CCDC28A: variants seen among roughly 807,000 people sequenced by gnomAD.
CCDC28A encodes coiled-coil domain-containing protein 28A.
CCDC28A carries 24 observed loss-of-function variants against 22.1 expected under a neutral mutation model. The observed-to-expected ratio is 1.09, with a 90% CI of 0.79 to 1.53. The LOEUF is 1.53. Among genes scored for constraint, CCDC28A ranks in the 40% most tolerant of loss-of-function variants. The pLI, the probability that CCDC28A is intolerant of heterozygous loss-of-function variation, is 0.00. For synonymous variants in CCDC28A, 83 were observed against 74.7 expected, an observed-to-expected ratio of 1.11 and a Z score of -0.57; for missense variants, 170 against 210.7, an observed-to-expected ratio of 0.81 and a Z score of 1.20.
Position 138,792,956 on chromosome 6 carries a change from AAT to A in CCDC28A, c.*154_*155del. On this transcript the variant is annotated 3_prime_UTR_variant, in exon 6 of 6. Transcript: ENST00000617445. ...TCGTTTTCACTTACTGCTTTTAGTA[AAT>A]GTGACTCGCTGTAATTCACCATAAC... 1.6e-6 allele frequency: 1 copy of A among 618,032 alleles called. No individual in the cohort carries two copies. Among genetic ancestry groups the A allele is most frequent in the Non-Finnish European group, 2.9e-6 (1 of 346,482 alleles). 38.3% of individuals were successfully genotyped at this position (618,032 alleles called of 1,614,324 possible).
At position 138,793,147 on chromosome 6, in the gene CCDC28A, C is replaced by T. The variant is rs548280891; in HGVS notation, c.*344C>T. 4.2e-6 allele frequency: 1 copy of T among 236,948 alleles called. No homozygotes were observed. The highest frequency in any genetic ancestry group is 8.3e-6 in the Non-Finnish European group (1 of 120,740). The allele number at this position is 236,948 out of a possible 1,614,324, so 14.7% of individuals were successfully genotyped here. A position where few individuals can be genotyped will look rare whatever the true frequency, so the allele number is the denominator to read the frequency against. On this transcript the variant is annotated 3_prime_UTR_variant, in exon 6 of 6. Transcript: ENST00000617445. ...CTTTCCTGAGCTCACCAAACTTATT[C>T]CAGTGTTGATCGCAAGCTGTTGATG...
intron 3 of CCDC28A, among the ~76,000 whole-genome samples, chr6:138,780,273 T>G (rs1774996172): frequency 6.6e-6 from 1 of 152,228 alleles, no homozygotes. Context: ...ACAGTCTTGG[T>G]CAGTTAAAAT....
At position 138,776,083 on chromosome 6, in the gene CCDC28A, TAAG is replaced by T. The variant is rs764697552; in HGVS notation, c.-34_-32del. On this transcript the variant is annotated 5_prime_UTR_variant, in exon 2 of 6. Coordinates refer to ENST00000617445, the MANE Select transcript of CCDC28A (RefSeq NM_015439.3). Reference sequence around the variant, plus strand: ...ATTGCTGTATTCCTTATTTAGGTCTTAAGAAGCTGGCCGTGGTGCAATAAGGAA... The same window carrying T: ...ATTGCTGTATTCCTTATTTAGGTCTTAAGCTGGCCGTGGTGCAATAAGGAA... 7 of 1,613,360 alleles carry T rather than the reference TAAG, an allele frequency of 4.3e-6. No homozygotes were observed. The highest frequency in any genetic ancestry group is 1.7e-5 in the Admixed American group (1 of 60,016).
At chr6:138,784,731 A>G (rs534103181) in intron 3 of CCDC28A, among the ~76,000 whole-genome samples, 10 of 148,630 alleles carry the variant, frequency 6.7e-5, no homozygotes, top group African/African-American at 2.5e-4. Context: ...GTCTCGCTCT[A>G]TTGCCAGGGT....
At chr6:138,785,854 G>A (rs1775087306) in intron 4 of CCDC28A, among the ~76,000 whole-genome samples, 1 of 152,148 alleles carries the variant, frequency 6.6e-6, no homozygotes, top group Admixed American at 6.5e-5. Context: ...TTAAGATATA[G>A]AAGATAGTGG....
intron 2 of CCDC28A, among the ~76,000 whole-genome samples, chr6:138,776,563 G>T (rs777568549): frequency 3.1e-4 from 47 of 152,092 alleles, no homozygotes; most frequent in Non-Finnish European, 6.6e-4. Flanking sequence ...TGGGAAAAGT[G>T]AAAAAGTGAA....
At chr6:138,777,283 G>A (rs2114900549) in intron 2 of CCDC28A, among the ~76,000 whole-genome samples, 2 of 152,296 alleles carry the variant, frequency 1.3e-5, no homozygotes, top group Middle Eastern at 6.8e-3. Context: ...AAACAGAAGG[G>A]ACATAACCAA....
chr6:138,781,224 G>A (rs1775016578), intron 3 of CCDC28A, among the ~76,000 whole-genome samples: 1 of 152,142 alleles, frequency 6.6e-6, no homozygotes, highest in African/African-American at 2.4e-5. Context: ...TCTCTCTAAT[G>A]CACCTAGGAT....
In CCDC28A at chr6:138,792,757, T is replaced by C. The variant is rs1775191128; in HGVS notation, c.509T>C (p.Leu170Pro). The change falls in exon 6 of 6, where the codon CTC becomes CCC. Residue 170 changes from leucine (L) to proline (P), a missense_variant. By Grantham distance (98) the Leu-to-Pro change is moderately conservative. Transcript: ENST00000617445. ...LEELNSSIQK[L>P]HLADAQDVPN... ...TTAACTGATTAATTCAGACAAAAAC[T>C]CCATTTGGCAGATGCACAAGATGTT... 3.7e-6 allele frequency: 6 copies of C among 1,603,868 alleles called. No homozygotes were observed. In the East Asian group the frequency reaches 1.3e-4, roughly 36 times the overall value.
intron 4 of CCDC28A, among the ~76,000 whole-genome samples, chr6:138,787,609 T>C (rs1775112217): frequency 6.6e-6 from 1 of 152,176 alleles, no homozygotes; most frequent in South Asian, 2.1e-4. Flanking sequence ...TTTAAAAACT[T>C]ATTAGAGATG....
intron 4 of CCDC28A, among the ~76,000 whole-genome samples, chr6:138,787,093 T>C (rs1775105705): frequency 6.6e-6 from 1 of 152,228 alleles, no homozygotes; most frequent in Non-Finnish European, 1.5e-5. Flanking sequence ...GCCATTTAGT[T>C]AACATTTTTG....
At position 138,793,287 on chromosome 6, in the gene CCDC28A, C is replaced by CTAT. The variant is rs1775202893; in HGVS notation, c.*486_*488dup. The CTAT allele has an allele frequency of 6.5e-6, 1 of 153,664 alleles. No individual in the cohort carries two copies. The highest frequency in any genetic ancestry group is 1.5e-5 in the Non-Finnish European group (1 of 68,798). The allele number at this position is 153,664 out of a possible 1,614,324, so 9.5% of individuals were successfully genotyped here. On this transcript the variant is annotated 3_prime_UTR_variant, in exon 6 of 6. Transcript: ENST00000617445. The stretch of plus-strand genomic sequence containing the variant: ...ATTAAATAAGTATTTGTGAGATTTG[C>CTAT]TATTTTTTAATAAAGTAATTGTTTT...
chr6:138,792,160 A>G (rs1775179482), intron 5 of CCDC28A, among the ~76,000 whole-genome samples: 1 of 152,174 alleles, frequency 6.6e-6, no homozygotes, highest in African/African-American at 2.4e-5. Flanking sequence ...TTCTCAAAAG[A>G]TTTTTTTAAT....
At chr6:138,790,379 G>A (rs1775155019) in intron 5 of CCDC28A, among the ~76,000 whole-genome samples, 2 of 152,182 alleles carry the variant, frequency 1.3e-5, no homozygotes, top group African/African-American at 4.8e-5. Context: ...TTGAACTCCC[G>A]ACTCAGGTGG....
At chr6:138,788,137 T>A (rs965743846) in intron 4 of CCDC28A, among the ~76,000 whole-genome samples, 3 of 151,794 alleles carry the variant, frequency 2.0e-5, no homozygotes, top group Non-Finnish European at 2.9e-5. Flanking sequence ...ATTTTTTTAT[T>A]TTTTGTAGAG....
rs1775077967 is a variant in CCDC28A, at chr6:138,785,389, T to A, written c.477+8T>A. ...GATAGGCTTCTGTCAGATGTAAGTG[T>A]AATTCTTTTTCTTTGTTCTTTAAAA... On this transcript the variant is annotated splice_region_variant and intron_variant, in intron 4 of 5. Transcript: ENST00000617445. The A allele has an allele frequency of 6.3e-7, 1 of 1,586,652 alleles. No individual in the cohort carries two copies. The highest frequency in any genetic ancestry group is 1.9e-5 in the Admixed American group (1 of 52,502).
At chr6:138,787,718 CA>C (rs901750860) in intron 4 of CCDC28A, among the ~76,000 whole-genome samples, 1 of 151,762 alleles carries the variant, frequency 6.6e-6, no homozygotes, top group African/African-American at 2.4e-5. Context: ...TTTGTAGAGA[CA>C]GGGTTTTGTT....
chr6:138,775,925 A>G (rs1774923817), intron 1 of CCDC28A, among the ~76,000 whole-genome samples, 154 bp from the exon 2 acceptor site: 1 of 152,240 alleles, frequency 6.6e-6, no homozygotes, highest in Non-Finnish European at 1.5e-5. Context: ...GGTACATAGT[A>G]GAGTACATTA....
At chr6:138,775,947 C>T in intron 1 of CCDC28A, 132 bp from the exon 2 acceptor site, 2 of 697,214 alleles carry the variant, frequency 2.9e-6, no homozygotes, top group South Asian at 3.7e-5. Context: ...ACTTAAGAGA[C>T]CCATTTTCTA....
Sources: allele counts gnomAD v4.1 joint callset (sites outside exome capture counted in the v4.1 genomes callset), GRCh38; gene constraint gnomAD v4.1.1; transcripts MANE v1.5; gene names NCBI Gene and HGNC (gene_info 2026-07-23, HGNC 2026-07-21).